The following APP variants were observed in gnomAD, a reference collection of about 807,000 sequenced individuals.
APP encodes amyloid-beta precursor protein.
APP carries 31 observed loss-of-function variants against 101.4 expected under a neutral mutation model. That is an observed-to-expected ratio of 0.31 (90% confidence interval 0.23 to 0.41). APP has a LOEUF of 0.41. APP is among the 10% of genes least tolerant of loss of function. The pLI, the probability that APP is intolerant of heterozygous loss-of-function variation, is 1.00. For missense variants in APP, 839 were observed against 1,003.7 expected (o/e 0.84, Z 2.22); for synonymous variants, 366 against 364.4 (o/e 1.00, Z -0.05).
intron 3 of APP, among the ~76,000 whole-genome samples, chr21:26,083,109 C>A (rs1470741572): frequency 6.6e-6 from 1 of 152,068 alleles, no homozygotes; most frequent in Non-Finnish European, 1.5e-5. Context: ...TAAAATTTTC[C>A]TCCATATTTT....
chr21:26,092,782 G>C (rs1015445505), intron 2 of APP, among the ~76,000 whole-genome samples: 7 of 152,190 alleles, frequency 4.6e-5, no homozygotes, highest in African/African-American at 1.7e-4. Flanking sequence ...TGTGCAGGTA[G>C]CAAGTATATG....
intron 1 of APP, among the ~76,000 whole-genome samples, chr21:26,166,192 T>G (rs563022075): frequency 6.6e-6 from 1 of 152,348 alleles, no homozygotes; most frequent in South Asian, 2.1e-4. Context: ...CTTCAGGGTT[T>G]GAGTTCTGTC....
rs919079690 is a variant in APP, at chr21:26,168,096, AAAAT to A, written c.57+2464_57+2467del. ...AAAACTTAAGAGGAAGCTAGATTTA[AAAAT>A]AAATAAATAAATAAATATTAGGGTA... On this transcript the variant is annotated intron_variant, in intron 1 of 17. Transcript: ENST00000346798. Among the ~76,000 whole-genome samples the A allele has an allele frequency of 1.1e-4, 17 of 152,316 alleles. 1 individual carries two copies. The highest frequency in any genetic ancestry group is 4.1e-4 in the South Asian group (2 of 4,828).
At chr21:26,079,921 C>T (rs1300569242) in intron 3 of APP, among the ~76,000 whole-genome samples, 1 of 152,006 alleles carries the variant, frequency 6.6e-6, no homozygotes, top group South Asian at 2.1e-4. Context: ...GTCAGAAGTT[C>T]GAAACCAGCC....
rs1392238818 is a variant in APP, at chr21:25,880,580, A to AAAAC, written c.*1086_*1089dup. On this transcript the variant is annotated 3_prime_UTR_variant, in exon 18 of 18. Coordinates refer to ENST00000346798, the MANE Select transcript of APP (RefSeq NM_000484.4). ...CTCCAAGAATGTATTTATTTACATG[A>AAAAC]AAACACCATTTTATACAAATTGAAG... 2 of 152,230 alleles carry AAAAC rather than the reference A, an allele frequency of 1.3e-5. No homozygotes were observed. Among genetic ancestry groups the AAAAC allele is most frequent in the African/African-American group, 4.8e-5 (2 of 41,460 alleles). 9.4% of individuals were successfully genotyped at this position (152,230 alleles called of 1,614,324 possible). A position where few individuals can be genotyped will look rare whatever the true frequency, so the allele number is the denominator to read the frequency against.
chr21:25,978,823 G>A (rs971236164), intron 9 of APP, among the ~76,000 whole-genome samples: 4 of 152,098 alleles, frequency 2.6e-5, no homozygotes, highest in Non-Finnish European at 4.4e-5. Flanking sequence ...GTGGTGGCAC[G>A]TGCCTGTAAT....
chr21:26,019,477 C>T (rs1027347438), intron 6 of APP, among the ~76,000 whole-genome samples: 2 of 152,178 alleles, frequency 1.3e-5, no homozygotes, highest in South Asian at 2.1e-4. Context: ...CTCTTACTCT[C>T]GGAGGCAGGT....
chr21:26,145,560 C>A (rs544413443), intron 1 of APP, among the ~76,000 whole-genome samples: 1 of 152,162 alleles, frequency 6.6e-6, no homozygotes, highest in Non-Finnish European at 1.5e-5. Flanking sequence ...AGGCCATGGA[C>A]CAGTACCTGT....
intron 5 of APP, among the ~76,000 whole-genome samples, chr21:26,025,558 C>T (rs2044532185): frequency 6.6e-6 from 1 of 152,172 alleles, no homozygotes; most frequent in South Asian, 2.1e-4. Flanking sequence ...CTTCTCCAGG[C>T]TTCTTTGTTA....
chr21:26,141,122 C>T (rs1220996084), intron 1 of APP, among the ~76,000 whole-genome samples: 2 of 152,192 alleles, frequency 1.3e-5, no homozygotes, highest in Non-Finnish European at 2.9e-5. Flanking sequence ...GGCACCTAGT[C>T]AACACTCAAA....
intron 1 of APP, among the ~76,000 whole-genome samples, chr21:26,162,470 T>A (rs2063512199): frequency 6.6e-6 from 1 of 152,174 alleles, no homozygotes; most frequent in Non-Finnish European, 1.5e-5. Flanking sequence ...AAATTTATGT[T>A]GCCTCACTAA....
intron 8 of APP, among the ~76,000 whole-genome samples, chr21:25,983,546 C>T (rs577197917): frequency 6.9e-4 from 105 of 152,296 alleles, no homozygotes; most frequent in South Asian, 1.2e-3. Flanking sequence ...TTTCTACATC[C>T]TTCAAGAAAA....
intron 1 of APP, among the ~76,000 whole-genome samples, chr21:26,156,913 A>G (rs2063386152): frequency 1.3e-5 from 2 of 152,270 alleles, no homozygotes; most frequent in East Asian, 3.9e-4. Context: ...AGAAATATAC[A>G]TTCAAACACT....
chr21:26,061,251 C>G (rs2046255222), intron 3 of APP, among the ~76,000 whole-genome samples: 1 of 152,132 alleles, frequency 6.6e-6, no homozygotes, highest in Non-Finnish European at 1.5e-5. Context: ...ATGGAAAAGT[C>G]TGGACAAGAC....
chr21:25,963,403 G>A (rs910186390), intron 11 of APP, among the ~76,000 whole-genome samples: 3 of 152,086 alleles, frequency 2.0e-5, no homozygotes, highest in East Asian at 1.9e-4. Flanking sequence ...CCCTAAACCC[G>A]TTTCTTATGG....
intron 14 of APP, among the ~76,000 whole-genome samples, chr21:25,910,793 T>C (rs2039033303): frequency 6.6e-6 from 1 of 152,256 alleles, no homozygotes; most frequent in African/African-American, 2.4e-5. Flanking sequence ...AAATTAAGTC[T>C]TAAGCAAAAT....
chr21:26,071,640 TAC>T (rs2061413537), intron 3 of APP, among the ~76,000 whole-genome samples: 1 of 152,254 alleles, frequency 6.6e-6, no homozygotes, highest in Non-Finnish European at 1.5e-5. Context: ...AAAGGAAAAT[TAC>T]AGTTAGGATC....
At chr21:26,075,975 T>C (rs2061491220) in intron 3 of APP, among the ~76,000 whole-genome samples, 1 of 152,046 alleles carries the variant, frequency 6.6e-6, no homozygotes, top group Admixed American at 6.6e-5. Context: ...CTCACTGCAA[T>C]CTCCGCTTCC....
intron 17 of APP, among the ~76,000 whole-genome samples, chr21:25,890,629 C>T (rs1400413110): frequency 6.7e-6 from 1 of 149,118 alleles, no homozygotes; most frequent in Non-Finnish European, 1.5e-5. Context: ...GTCCCAGCTA[C>T]TCAGGAAGCT....
Sources: allele counts gnomAD v4.1 joint callset (sites outside exome capture counted in the v4.1 genomes callset), GRCh38; gene constraint gnomAD v4.1.1; transcripts MANE v1.5; gene names NCBI Gene and HGNC (gene_info 2026-07-23, HGNC 2026-07-21).